Variants in TSPEAR observed in about 807,000 individuals in gnomAD.
The protein encoded by TSPEAR is thrombospondin type laminin G domain and EAR repeats, also known as thrombospondin-type laminin G domain and EAR repeat-containing protein.
A neutral mutation model predicts 71.6 loss-of-function variants in TSPEAR; 69 were observed. The ratio of observed to expected loss-of-function variants is 0.96; its 90% CI spans 0.79 to 1.18. The LOEUF is 1.18. Among genes scored for constraint, TSPEAR ranks in the 50% most tolerant of loss-of-function variants. The pLI, the probability that TSPEAR is intolerant of heterozygous loss-of-function variation, is 0.00. For synonymous variants in TSPEAR, 402 were observed against 387.2 expected (o/e 1.04, Z -0.45); for missense variants, 971 against 894.9 (o/e 1.09, Z -1.09).
chr21:44,586,261 T>G (rs973230708), intron 1 of TSPEAR, among the ~76,000 whole-genome samples: 1 of 152,248 alleles, frequency 6.6e-6, no homozygotes, highest in Non-Finnish European at 1.5e-5. Context: ...TGCTTCTGCC[T>G]TTCTTTCTGT....
Position 44,614,974 on chromosome 21 carries a change from C to A in TSPEAR, c.83-46969G>T, listed in dbSNP as rs145191991. ...GACAGGAACCCCAGGCACCTCACCC[C>A]ACCTGTCCTGGAAGAAAAAGCTGGA... On this transcript the variant is annotated intron_variant, in intron 1 of 11. Coordinates refer to ENST00000323084, the MANE Select transcript of TSPEAR (RefSeq NM_144991.3). 5.1e-3 allele frequency among the ~76,000 whole-genome samples: 783 copies of A among 152,308 alleles called. 6 individuals carry two copies. Among genetic ancestry groups the A allele is most frequent in the African/African-American group, 0.018 (741 of 41,560 alleles).
intron 1 of TSPEAR, among the ~76,000 whole-genome samples, chr21:44,660,445 A>C (rs1033321475): frequency 2.0e-5 from 3 of 152,246 alleles, no homozygotes; most frequent in Admixed American, 1.3e-4. Flanking sequence ...TCAGACTTCT[A>C]ATCAGAAATC....
Position 44,695,100 on chromosome 21 carries a change from G to A in TSPEAR, c.82+16333C>T, listed in dbSNP as rs1987275456. 6.6e-6 allele frequency among the ~76,000 whole-genome samples: 1 copy of A among 152,164 alleles called. No individual in the cohort carries two copies. Among genetic ancestry groups the A allele is most frequent in the Admixed American group, 6.5e-5 (1 of 15,278 alleles). ...AACCCAGATGTCCCCAGATCCTCTG[G>A]CCTTCTGAGGTCACTCTTTATAATC... On this transcript the variant is annotated intron_variant, in intron 1 of 11. Coordinates refer to ENST00000323084, the MANE Select transcript of TSPEAR (RefSeq NM_144991.3). The surrounding 1 kb of genome is among the most constrained non-coding windows in gnomAD (Gnocchi z 4.5).
Position 44,695,798 on chromosome 21 carries a change from G to T in TSPEAR, c.82+15635C>A, listed in dbSNP as rs184904487. Among the ~76,000 whole-genome samples the T allele has an allele frequency of 7.9e-5, 12 of 152,118 alleles. No homozygotes were observed. Among genetic ancestry groups the T allele is most frequent in the African/African-American group, 2.7e-4 (11 of 41,470 alleles). On this transcript the variant is annotated intron_variant, in intron 1 of 11. Coordinates refer to ENST00000323084, the MANE Select transcript of TSPEAR (RefSeq NM_144991.3). The surrounding 1 kb of genome is among the most constrained non-coding windows in gnomAD (Gnocchi z 4.5). Reference sequence around the variant, plus strand: ...CTCATCACAGGGTAATGTTTACAACGCAGAGACCAGCAGACACCACACACC... The same window carrying T: ...CTCATCACAGGGTAATGTTTACAACTCAGAGACCAGCAGACACCACACACC...
At chr21:44,645,144 C>G (rs1009834561) in intron 1 of TSPEAR, among the ~76,000 whole-genome samples, 19 of 152,076 alleles carry the variant, frequency 1.2e-4, no homozygotes, top group Admixed American at 3.3e-4. Context: ...AAATGTATGT[C>G]CTAAAATCAC....
At position 44,612,587 on chromosome 21, in the gene TSPEAR, C is replaced by T. The variant is rs149088323; in HGVS notation, c.83-44582G>A. On this transcript the variant is annotated intron_variant, in intron 1 of 11. Coordinates refer to ENST00000323084, the MANE Select transcript of TSPEAR (RefSeq NM_144991.3). This position sits in a 1 kb window ranked among gnomAD's most constrained non-coding sequence, Gnocchi z 4.1. ...TTGCTGCACCTTCTCCCCATGCCAA[C>T]AGGCCTGCTGTGTGCCCATCTGCTG... The T allele has an allele frequency of 6.0e-4, 965 of 1,614,206 alleles. No homozygotes were observed. Among genetic ancestry groups the T allele is most frequent in the Non-Finnish European group, 7.7e-4 (913 of 1,180,034 alleles).
intron 2 of TSPEAR, chr21:44,550,752 C>T (rs375324237): frequency 3.8e-5 from 61 of 1,613,966 alleles, no homozygotes; most frequent in East Asian, 8.9e-5. Flanking sequence ...GCACACGGGG[C>T]GGCAGAGGAG....
Position 44,567,897 on chromosome 21 carries a change from G to GC in TSPEAR, c.190dup (p.Ala64GlyfsTer18). On this transcript the variant is annotated frameshift_variant, in exon 2 of 12. Coordinates refer to ENST00000323084, the MANE Select transcript of TSPEAR (RefSeq NM_144991.3). LOFTEE classifies it high-confidence loss of function. ...TGGGAAGCTCATGGTGCGGGGGGCG[G>GC]CTACTGAGAGCTGGAGTCCCCGTGC... 6.2e-7 allele frequency: 1 copy of GC among 1,607,890 alleles called. No homozygotes were observed. Among genetic ancestry groups the GC allele is most frequent in the Non-Finnish European group, 8.5e-7 (1 of 1,176,128 alleles).
chr21:44,542,771 A>G (rs1395199119), intron 2 of TSPEAR, among the ~76,000 whole-genome samples: 1 of 151,122 alleles, frequency 6.6e-6, no homozygotes, highest in South Asian at 2.1e-4. Flanking sequence ...AAAAGAAAAG[A>G]AAAAAGAAAA....
intron 1 of TSPEAR, among the ~76,000 whole-genome samples, chr21:44,689,712 A>AAT (rs71199618): frequency 0.13 from 8,225 of 62,156 alleles, 941 homozygotes; most frequent in Middle Eastern, 0.2. Context: ...GAATAGAATG[A>AAT]ATATATATAT....
chr21:44,709,587 C>G (rs1001738826), intron 1 of TSPEAR, among the ~76,000 whole-genome samples: 2 of 152,274 alleles, frequency 1.3e-5, no homozygotes, highest in Admixed American at 1.3e-4. Context: ...GCCTCGCGAC[C>G]GCCTGTGACC....
chr21:44,659,139 C>G (rs1555943173), intron 1 of TSPEAR, among the ~76,000 whole-genome samples: 1 of 152,168 alleles, frequency 6.6e-6, no homozygotes, highest in Non-Finnish European at 1.5e-5. Flanking sequence ...CCAGCTCCAG[C>G]CTAGCAGGCA....
chr21:44,623,683 G>A lies in TSPEAR; in HGVS notation c.83-55678C>T, dbSNP rs587757904. 1.3e-5 allele frequency among the ~76,000 whole-genome samples: 2 copies of A among 152,240 alleles called. No homozygotes were observed. The highest frequency in any genetic ancestry group is 2.9e-5 in the Non-Finnish European group (2 of 68,022). On this transcript the variant is annotated intron_variant, in intron 1 of 11. Transcript: ENST00000323084. This position sits in a 1 kb window ranked among gnomAD's most constrained non-coding sequence, Gnocchi z 4.5. Reference sequence around the variant, plus strand: ...TCATTTTTGAGGATCTTCTTCCCAGGTGTAGAATTCTAGCTTGGTGCTTCT... The same window carrying A: ...TCATTTTTGAGGATCTTCTTCCCAGATGTAGAATTCTAGCTTGGTGCTTCT...
intron 9 of TSPEAR, among the ~76,000 whole-genome samples, chr21:44,513,776 A>AG (rs1555913019): frequency 6.6e-6 from 1 of 152,020 alleles, no homozygotes; most frequent in Non-Finnish European, 1.5e-5. Flanking sequence ...AGGGGAGGGG[A>AG]GGGAGGCAGG....
intron 1 of TSPEAR, among the ~76,000 whole-genome samples, chr21:44,610,283 C>T (rs367563790): frequency 1.1e-3 from 171 of 152,302 alleles, no homozygotes; most frequent in African/African-American, 3.8e-3. Context: ...TCATGGCAGC[C>T]CCTCCCATCA....
intron 1 of TSPEAR, chr21:44,676,956 C>T (rs1435494952): frequency 1.1e-6 from 1 of 920,568 alleles, no homozygotes; most frequent in East Asian, 2.4e-5. Context: ...CAGTAGAGAG[C>T]TTGTCAGCTG....
intron 1 of TSPEAR, among the ~76,000 whole-genome samples, chr21:44,682,540 GAATATAGAC>G (rs1986656580): frequency 6.6e-6 from 1 of 152,200 alleles, no homozygotes. Flanking sequence ...GACCAGAACT[GAATATAGAC>G]AATGAAATCA....
At chr21:44,531,716 A>G (rs2052976431) in intron 3 of TSPEAR, among the ~76,000 whole-genome samples, 1 of 152,028 alleles carries the variant, frequency 6.6e-6, no homozygotes, top group African/African-American at 2.4e-5. Flanking sequence ...CCCTCCCTCC[A>G]CTGAGCTCCT....
intron 1 of TSPEAR, among the ~76,000 whole-genome samples, chr21:44,689,463 C>T (rs1555949420): frequency 6.6e-6 from 1 of 150,752 alleles, no homozygotes; most frequent in Non-Finnish European, 1.5e-5. Flanking sequence ...GATCATGCCA[C>T]TGCACTCCAG....
Sources: gnomAD v4.1 joint callset for allele counts (sites outside exome capture counted in the v4.1 genomes callset) on GRCh38, gnomAD v4.1.1 for gene constraint, Gnocchi (gnomAD v3.1) non-coding constraint, MANE v1.5 for transcripts, NCBI Gene and HGNC (gene_info 2026-07-23, HGNC 2026-07-21) for gene names.